DAAM2: variants seen among roughly 807,000 people sequenced by gnomAD.
DAAM2 encodes dishevelled associated activator of morphogenesis 2, also known as disheveled-associated activator of morphogenesis 2.
Under a neutral mutation model 120.7 loss-of-function variants are expected in DAAM2, and 39 were observed. The ratio of observed to expected loss-of-function variants is 0.32; its 90% CI spans 0.25 to 0.42. DAAM2 has a LOEUF of 0.42. Among genes scored for constraint, DAAM2 ranks in the 10% least tolerant of loss-of-function variants. The pLI, the probability that DAAM2 is intolerant of heterozygous loss-of-function variation, is 1.00. For missense variants in DAAM2, 1,283 were observed against 1,401.7 expected (o/e 0.92, Z 1.35); for synonymous variants, 488 against 524.9 (o/e 0.93, Z 0.96).
chr6:39,800,362 C>T (rs1010805323), intron 1 of DAAM2, among the ~76,000 whole-genome samples: 1 of 152,204 alleles, frequency 6.6e-6, no homozygotes. Context: ...ACTGCCCTTC[C>T]TGCTCATCAG....
At chr6:39,800,510 A>C (rs1224282032) in intron 1 of DAAM2, among the ~76,000 whole-genome samples, 1 of 152,142 alleles carries the variant, frequency 6.6e-6, no homozygotes, top group Non-Finnish European at 1.5e-5. Flanking sequence ...TGGGCCCTGC[A>C]CTCAACTTGC....
chr6:39,835,989 A>G (rs866467598), intron 1 of DAAM2, among the ~76,000 whole-genome samples: 2 of 151,900 alleles, frequency 1.3e-5, no homozygotes, highest in Non-Finnish European at 1.5e-5. Flanking sequence ...GTGGGGTGGT[A>G]GTGGGGGCAG....
chr6:39,794,460 TC>T (rs1382936540), intron 1 of DAAM2, among the ~76,000 whole-genome samples: 1 of 152,214 alleles, frequency 6.6e-6, no homozygotes, highest in Admixed American at 6.5e-5. Flanking sequence ...GAGGGAATAC[TC>T]GTGCCCCCAT....
rs374611199 is a variant in DAAM2 at position 39,875,390 on chromosome 6, T to C, written c.1223T>C (p.Ile408Thr). 9.3e-6 allele frequency: 15 copies of C among 1,613,988 alleles called. No individual in the cohort carries two copies. Among genetic ancestry groups the C allele is most frequent in the Non-Finnish European group, 1.3e-5 (15 of 1,179,868 alleles). ...CTCCTGGACCGCATCCTCCAGCAGATTGTCCTCCAGGATGAGCGGGGTGTG... is the reference window on the plus strand; with the variant it reads ...CTCCTGGACCGCATCCTCCAGCAGACTGTCCTCCAGGATGAGCGGGGTGTG... ...WQLLDRILQQ[I>T]VLQDERGVDP... Residue 408 changes from isoleucine (I) to threonine (T), a missense_variant, in exon 11 of 25, where the codon ATT becomes ACT. This residue lies in a region of DAAM2 where 338 missense variants were observed against 443.9 expected (regional missense o/e 0.76). Transcript: ENST00000274867.
intron 15 of DAAM2, chr6:39,886,174 A>G: frequency 2.7e-6 from 1 of 376,796 alleles, no homozygotes; most frequent in Non-Finnish European, 4.7e-6. Context: ...TGGTCGCACT[A>G]GGCAGATGGG....
chr6:39,864,536 C>T (rs1288704865), intron 4 of DAAM2, 29 bp downstream of exon 4: 19 of 1,583,956 alleles, frequency 1.2e-5, no homozygotes, highest in African/African-American at 2.7e-5. Flanking sequence ...CCTGCCCTGC[C>T]CCCACCTGGA....
chr6:39,821,406 A>G (rs1286649748), intron 1 of DAAM2: 1 of 152,260 alleles, frequency 6.6e-6, no homozygotes. Flanking sequence ...GGGACATCAG[A>G]AGATAATTCT....
intron 1 of DAAM2, among the ~76,000 whole-genome samples, chr6:39,798,517 C>CT (rs1761766177): frequency 6.6e-6 from 1 of 152,146 alleles, no homozygotes; most frequent in Non-Finnish European, 1.5e-5. Flanking sequence ...TGAAGAAAGA[C>CT]TAATGTGAGG....
intron 1 of DAAM2, among the ~76,000 whole-genome samples, chr6:39,842,950 C>CT (rs1360106310): frequency 6.6e-6 from 1 of 151,954 alleles, no homozygotes; most frequent in Non-Finnish European, 1.5e-5. Flanking sequence ...TAGTCTCCTG[C>CT]TTTTATTATT....
intron 1 of DAAM2, among the ~76,000 whole-genome samples, chr6:39,814,676 C>T (rs1174037721): frequency 6.6e-6 from 1 of 152,236 alleles, no homozygotes; most frequent in Non-Finnish European, 1.5e-5. Context: ...TCACTTTCTG[C>T]TAAGCCTTTC....
chr6:39,820,319 A>T (rs1166679614), intron 1 of DAAM2: 1 of 152,206 alleles, frequency 6.6e-6, no homozygotes, highest in East Asian at 1.9e-4. Flanking sequence ...ACCAGGTTTT[A>T]AAAAACTTTT....
rs1766695623 is a variant in DAAM2, at chr6:39,904,541, AAC to A, written c.*2508_*2509del. 1 of 453,066 alleles carries A rather than the reference AAC, an allele frequency of 2.2e-6. No homozygotes were observed. The highest frequency in any genetic ancestry group is 4.4e-6 in the Non-Finnish European group (1 of 226,904). 28.1% of individuals were successfully genotyped at this position (453,066 alleles called of 1,614,324 possible). On this transcript the variant is annotated 3_prime_UTR_variant, in exon 25 of 25. Transcript: ENST00000274867. ...TGTAAAATTCGTCATCAACCTAACAAACACAACCTTCTCAGCAGCATTTCTCC... is the reference window on the plus strand; with the variant it reads ...TGTAAAATTCGTCATCAACCTAACAAACAACCTTCTCAGCAGCATTTCTCC...
At chr6:39,810,343 A>G (rs946425365) in intron 1 of DAAM2, among the ~76,000 whole-genome samples, 2 of 152,234 alleles carry the variant, frequency 1.3e-5, no homozygotes, top group African/African-American at 4.8e-5. Context: ...GCTGATTCTA[A>G]AATCTTCACA....
chr6:39,828,771 C>G (rs1162796740), intron 1 of DAAM2, among the ~76,000 whole-genome samples: 1 of 151,896 alleles, frequency 6.6e-6, no homozygotes, highest in Non-Finnish European at 1.5e-5. Flanking sequence ...CCATGTTGGC[C>G]TGGATGGTGT....
rs1399567920 is a variant in DAAM2 at position 39,901,780 on chromosome 6, A to C, written c.2983-33A>C. ...GCCCTGGCCTCAGCGCCTCTCCCTG[A>C]GAGGGTTCCTATCTTTGGCCCCCCG... On this transcript the variant is annotated intron_variant, in intron 24 of 24. Coordinates refer to ENST00000274867, the MANE Select transcript of DAAM2 (RefSeq NM_001201427.2). The surrounding 1 kb of genome is among the most constrained non-coding windows in gnomAD (Gnocchi z 4.5). 1 of 1,494,824 alleles carries C rather than the reference A, an allele frequency of 6.7e-7. No homozygotes were observed. Among genetic ancestry groups the C allele is most frequent in the East Asian group, 2.3e-5 (1 of 43,280 alleles). 92.6% of individuals were successfully genotyped at this position (1,494,824 alleles called of 1,614,324 possible).
At chr6:39,892,571 T>C (rs530681957) in intron 19 of DAAM2, among the ~76,000 whole-genome samples, 4 of 152,200 alleles carry the variant, frequency 2.6e-5, no homozygotes, top group African/African-American at 9.6e-5. Context: ...CAGAGACATG[T>C]GGACCCAGGA....
intron 1 of DAAM2, among the ~76,000 whole-genome samples, chr6:39,831,739 T>C (rs933138358): frequency 1.1e-5 from 1 of 94,110 alleles, no homozygotes; most frequent in African/African-American, 4.5e-5. Flanking sequence ...AGGGGGCAGG[T>C]GCACTGTGGG....
chr6:39,861,378 T>C (rs759089785), intron 3 of DAAM2: 7 of 366,066 alleles, frequency 1.9e-5, no homozygotes, highest in Non-Finnish European at 3.2e-5. Context: ...AGAAATCAGT[T>C]TGGGGGGCAG....
rs1182208380 is a variant in DAAM2, at chr6:39,901,503, G to T, written c.2982+31G>T. ...GGGCAGTGCCAGGCCTGGGACTGAGGGGAGACGGGTGCTACTTGGGGAGAA... is the reference window on the plus strand; with the variant it reads ...GGGCAGTGCCAGGCCTGGGACTGAGTGGAGACGGGTGCTACTTGGGGAGAA... On this transcript the variant is annotated intron_variant, in intron 24 of 24. Transcript: ENST00000274867. The surrounding 1 kb of genome is among the most constrained non-coding windows in gnomAD (Gnocchi z 4.5). 2 of 1,587,476 alleles carry T rather than the reference G, an allele frequency of 1.3e-6. No homozygotes were observed. Among genetic ancestry groups the T allele is most frequent in the Non-Finnish European group, 1.7e-6 (2 of 1,172,196 alleles).
Sources: gnomAD v4.1 joint callset for allele counts (sites outside exome capture counted in the v4.1 genomes callset) on GRCh38, gnomAD v4.1.1 for gene constraint, gnomAD v4.1.1 regional missense constraint, Gnocchi (gnomAD v3.1) non-coding constraint, MANE v1.5 for transcripts, NCBI Gene and HGNC (gene_info 2026-07-23, HGNC 2026-07-21) for gene names.